RNF150: variants seen among roughly 807,000 people sequenced by gnomAD.
RNF150 encodes ring finger protein 150.
RNF150 carries 24 observed loss-of-function variants against 39.3 expected under a neutral mutation model. The ratio of observed to expected loss-of-function variants is 0.61; its 90% CI spans 0.44 to 0.86. The LOEUF is 0.86. RNF150 is among the 40% of genes least tolerant of loss of function. RNF150 has a pLI of 0.00. For synonymous variants in RNF150, 255 were observed against 227.3 expected, an observed-to-expected ratio of 1.12 and a Z score of -1.10; for missense variants, 502 against 587.8, an observed-to-expected ratio of 0.85 and a Z score of 1.51.
intron 1 of RNF150, among the ~76,000 whole-genome samples, chr4:141,078,718 C>A (rs965940096): frequency 7.1e-6 from 1 of 141,386 alleles, no homozygotes; most frequent in African/African-American, 2.7e-5. Context: ...TGAACCCAGG[C>A]GGTGGAGCTT....
intron 1 of RNF150, among the ~76,000 whole-genome samples, chr4:140,971,640 C>T (rs1733470028): frequency 6.6e-6 from 1 of 152,100 alleles, no homozygotes; most frequent in African/African-American, 2.4e-5. Flanking sequence ...TGCCAGACGA[C>T]AGCAGAGGAG....
intron 1 of RNF150, among the ~76,000 whole-genome samples, chr4:141,100,420 G>A (rs557764436): frequency 6.6e-6 from 1 of 152,304 alleles, no homozygotes; most frequent in East Asian, 1.9e-4. Flanking sequence ...CCACATCCAA[G>A]TGACAGTAAA....
rs570312626 is a variant in RNF150 at position 141,040,500 on chromosome 4, T to TA, written c.485-72628_485-72627insT. 7.9e-5 allele frequency among the ~76,000 whole-genome samples: 12 copies of TA among 152,288 alleles called. No homozygotes were observed. In the South Asian group the frequency reaches 1.9e-3, roughly 24 times the overall value. ...TACTTCTAACATTCTCTTTTATATA[T>TA]TTTTTTGTGAGCCATGACAAAACTA... On this transcript the variant is annotated intron_variant, in intron 1 of 6. Transcript: ENST00000515673.
At position 141,115,157 on chromosome 4, in the gene RNF150, A is replaced by G. The variant is rs561489516; in HGVS notation, c.484+17168T>C. 9.2e-5 allele frequency among the ~76,000 whole-genome samples: 14 copies of G among 152,200 alleles called. No homozygotes were observed. The South Asian group carries it at 1.9e-3, about 20-fold the overall frequency. On this transcript the variant is annotated intron_variant, in intron 1 of 6. Coordinates refer to ENST00000515673, the MANE Select transcript of RNF150 (RefSeq NM_020724.2). ...GTTCTGGCTAGGGCAATCAGGCAAG[A>G]AAAGAAATAAAGTGTATTCAAACAG...
chr4:141,067,381 T>C (rs145286482), intron 1 of RNF150, among the ~76,000 whole-genome samples: 3 of 152,342 alleles, frequency 2.0e-5, no homozygotes, highest in South Asian at 2.1e-4. Flanking sequence ...TCTGGGTTAA[T>C]AGAGTCCAAA....
rs147506984 is a variant in RNF150 at position 141,190,505 on chromosome 4, G to A, written c.-6+22289C>T. Reference sequence around the variant, plus strand: ...AGAAAATTGGGAACTACAGTCCTATGACTACAAGGGAGTAAATTCACCAAC... The same window carrying A: ...AGAAAATTGGGAACTACAGTCCTATAACTACAAGGGAGTAAATTCACCAAC... On this transcript the variant is annotated intron_variant, in intron 1 of 7. Transcript: ENST00000420921. Among the ~76,000 whole-genome samples, 22 of 152,290 alleles carry A rather than the reference G, an allele frequency of 1.4e-4. No homozygotes were observed. In the East Asian group the frequency reaches 4.2e-3, roughly 29 times the overall value.
At chr4:140,994,108 G>A (rs1432247796) in intron 1 of RNF150, among the ~76,000 whole-genome samples, 1 of 152,126 alleles carries the variant, frequency 6.6e-6, no homozygotes, top group Non-Finnish European at 1.5e-5. Flanking sequence ...CCAGAAACAT[G>A]CATGCTTCCA....
chr4:140,964,876 G>A (rs1053148141), intron 2 of RNF150, among the ~76,000 whole-genome samples: 1 of 151,994 alleles, frequency 6.6e-6, no homozygotes, highest in East Asian at 1.9e-4. Flanking sequence ...TTCATGGTAT[G>A]GTTTAGAGAG....
chr4:140,913,862 G>A (rs1319744646), intron 5 of RNF150, among the ~76,000 whole-genome samples: 1 of 152,154 alleles, frequency 6.6e-6, no homozygotes, highest in Non-Finnish European at 1.5e-5. Context: ...TCAATTAAGG[G>A]AGGATTTGAG....
chr4:140,967,566 T>A, intron 2 of RNF150, 57 bp downstream of exon 2: 1 of 1,484,228 alleles, frequency 6.7e-7, no homozygotes, highest in Non-Finnish European at 9.1e-7. Context: ...TGTTCAAAGA[T>A]GTTTAATAAC....
chr4:141,070,179 T>G (rs200125536), intron 1 of RNF150, among the ~76,000 whole-genome samples: 2 of 152,166 alleles, frequency 1.3e-5, no homozygotes, highest in East Asian at 1.9e-4. Flanking sequence ...GCTAGACATA[T>G]GTAGAAAGCT....
intron 1 of RNF150, among the ~76,000 whole-genome samples, chr4:141,075,580 GTTTCT>G (rs776243305): frequency 6.6e-5 from 10 of 152,086 alleles, no homozygotes; most frequent in Admixed American, 3.9e-4. Flanking sequence ...AATCTCTCTA[GTTTCT>G]TTTCTTTTAA....
At chr4:141,097,989 C>G (rs1459962234) in intron 1 of RNF150, among the ~76,000 whole-genome samples, 1 of 152,138 alleles carries the variant, frequency 6.6e-6, no homozygotes, top group Non-Finnish European at 1.5e-5. Context: ...ATGCCCCCCT[C>G]CCTTATGAAA....
rs536915083 is a variant in RNF150 at position 140,908,890 on chromosome 4, C to T, written c.1198+2254G>A. On this transcript the variant is annotated intron_variant, in intron 6 of 6. Transcript: ENST00000515673. ...TCAAAATAAGGAATCTGACAGATGA[C>T]GTATCTTCTCTTGAAAACCAAATGG... Among the ~76,000 whole-genome samples the T allele has an allele frequency of 5.3e-5, 8 of 152,208 alleles. No individual in the cohort carries two copies. The South Asian group carries it at 1.5e-3, about 28-fold the overall frequency.
intron 1 of RNF150, among the ~76,000 whole-genome samples, chr4:141,097,377 A>C (rs1470359033): frequency 6.6e-6 from 1 of 152,206 alleles, no homozygotes; most frequent in Non-Finnish European, 1.5e-5. Flanking sequence ...TATTTTCTTC[A>C]TACATATAGT....
At chr4:141,072,339 G>T (rs1373985522) in intron 1 of RNF150, among the ~76,000 whole-genome samples, 4 of 152,220 alleles carry the variant, frequency 2.6e-5, no homozygotes, top group Non-Finnish European at 2.9e-5. Flanking sequence ...GACTGTGGCT[G>T]AAGTTCTTTG....
At chr4:140,922,067 G>T (rs556485667) in intron 5 of RNF150, among the ~76,000 whole-genome samples, 3 of 151,846 alleles carry the variant, frequency 2.0e-5, no homozygotes, top group Non-Finnish European at 4.4e-5. Flanking sequence ...ACAAGACAGG[G>T]ATGCCCTCTC....
chr4:140,878,164 GT>G (rs58338048), intron 6 of RNF150, among the ~76,000 whole-genome samples: 2,620 of 90,462 alleles, frequency 0.029, 19 homozygotes, highest in South Asian at 0.046. Context: ...ATCTCATTGT[GT>G]TTTTTTTTTT....
chr4:141,125,571 C>T (rs1726726080), intron 1 of RNF150, among the ~76,000 whole-genome samples: 1 of 152,148 alleles, frequency 6.6e-6, no homozygotes, highest in Non-Finnish European at 1.5e-5. Context: ...ATATTAAATT[C>T]TTTATATGCT....
Sources: allele counts gnomAD v4.1 joint callset (sites outside exome capture counted in the v4.1 genomes callset), GRCh38; gene constraint gnomAD v4.1.1; transcripts MANE v1.5; gene names NCBI Gene and HGNC (gene_info 2026-07-23, HGNC 2026-07-21).